Variants in DNAJC27 observed in about 807,000 individuals in gnomAD.
DNAJC27 encodes the protein DnaJ heat shock protein family (Hsp40) member C27.
DNAJC27 carries 25 observed loss-of-function variants against 31.4 expected under a neutral mutation model. The ratio of observed to expected loss-of-function variants is 0.80; its 90% CI spans 0.58 to 1.11. The LOEUF is 1.11. Ranked by LOEUF, DNAJC27 falls within the 50% of genes most tolerant of loss-of-function variation. The probability of loss-of-function intolerance (pLI) is 0.00; values close to 1 mark genes in which losing one functional copy is unlikely to be tolerated. For synonymous variants in DNAJC27, 106 were observed against 112.7 expected (o/e 0.94, Z 0.37); for missense variants, 356 against 347.3 (o/e 1.02, Z -0.20).
At chr2:24,971,557 C>T (rs1016118230) in intron 1 of DNAJC27, 4 of 336,468 alleles carry the variant, frequency 1.2e-5, no homozygotes, top group Non-Finnish European at 2.2e-5. Flanking sequence ...CCTTCTTACT[C>T]TTTTGGGGGT....
At chr2:24,965,149 C>T (rs1327263839) in intron 2 of DNAJC27, among the ~76,000 whole-genome samples, 1 of 151,448 alleles carries the variant, frequency 6.6e-6, no homozygotes, top group African/African-American at 2.4e-5. Flanking sequence ...GAAGTTGCAG[C>T]AAGCTGAGGT....
At position 24,944,680 on chromosome 2, in the gene DNAJC27, A is replaced by G. The variant is rs1317891170; in HGVS notation, c.*2936T>C. On this transcript the variant is annotated 3_prime_UTR_variant, in exon 7 of 7. Transcript: ENST00000264711. ...TTAACAGGCTAAGAAAACTAAGGACACATTGATATAGAGAAATAAAATAAC... is the reference window on the plus strand; with the variant it reads ...TTAACAGGCTAAGAAAACTAAGGACGCATTGATATAGAGAAATAAAATAAC... The G allele has an allele frequency of 6.5e-6, 1 of 152,678 alleles. No individual in the cohort carries two copies. The highest frequency in any genetic ancestry group is 1.9e-4 in the East Asian group (1 of 5,202). The allele number at this position is 152,678 out of a possible 1,614,324, so 9.5% of individuals were successfully genotyped here.
At chr2:24,971,193 G>C (rs999834054) in intron 1 of DNAJC27, among the ~76,000 whole-genome samples, 1 of 152,190 alleles carries the variant, frequency 6.6e-6, no homozygotes, top group Non-Finnish European at 1.5e-5. Context: ...AGAGTTTATA[G>C]CTGATGAACC....
chr2:24,967,954 C>CTTTT (rs35902856), intron 1 of DNAJC27, among the ~76,000 whole-genome samples: 1 of 135,664 alleles, frequency 7.4e-6, no homozygotes, highest in African/African-American at 2.7e-5. Context: ...AGATTAATTC[C>CTTTT]TTTTTTTTTT....
At chr2:24,958,097 G>A in intron 3 of DNAJC27, 123 bp from the exon 4 acceptor site, 3 of 839,316 alleles carry the variant, frequency 3.6e-6, no homozygotes, top group Non-Finnish European at 5.4e-6. Context: ...TATTGTATCT[G>A]TTTCTACTGG....
chr2:24,967,176 T>A (rs1220084967), intron 2 of DNAJC27, 35 bp downstream of exon 2: 3 of 1,541,280 alleles, frequency 1.9e-6, no homozygotes, highest in Admixed American at 1.7e-5. Context: ...TGAACTTCTA[T>A]GTAACTTACA....
At chr2:24,967,768 T>C (rs989416299) in intron 1 of DNAJC27, among the ~76,000 whole-genome samples, 1 of 151,874 alleles carries the variant, frequency 6.6e-6, no homozygotes, top group African/African-American at 2.4e-5. Flanking sequence ...AGAAAAATTA[T>C]TTTTAAATTC....
In DNAJC27 at chr2:24,944,552, T is replaced by C. The variant is rs889090847; in HGVS notation, c.*3064A>G. The stretch of plus-strand genomic sequence containing the variant: ...ATATGAGAACATACTAGAGTAAGTT[T>C]CCTGAGGTAAAAGTATGCCTTAAAG... On this transcript the variant is annotated 3_prime_UTR_variant, in exon 7 of 7. Transcript: ENST00000264711. 1.3e-5 allele frequency: 2 copies of C among 152,734 alleles called. No individual in the cohort carries two copies. The highest frequency in any genetic ancestry group is 4.8e-5 in the African/African-American group (2 of 41,570). The allele number at this position is 152,734 out of a possible 1,614,324, so 9.5% of individuals were successfully genotyped here. A position where few individuals can be genotyped will look rare whatever the true frequency, so the allele number is the denominator to read the frequency against.
chr2:24,944,556 G>A lies in DNAJC27; in HGVS notation c.*3060C>T, dbSNP rs781745626. On this transcript the variant is annotated 3_prime_UTR_variant, in exon 7 of 7. Transcript: ENST00000264711. ...GAGAACATACTAGAGTAAGTTTCCTGAGGTAAAAGTATGCCTTAAAGAATG... is the reference window on the plus strand; with the variant it reads ...GAGAACATACTAGAGTAAGTTTCCTAAGGTAAAAGTATGCCTTAAAGAATG... The A allele has an allele frequency of 6.6e-5, 10 of 152,554 alleles. No individual in the cohort carries two copies. Among genetic ancestry groups the A allele is most frequent in the Non-Finnish European group, 1.3e-4 (9 of 68,018 alleles). The allele number at this position is 152,554 out of a possible 1,614,324, so 9.5% of individuals were successfully genotyped here.
At chr2:24,972,064 T>C (rs978387727), upstream of DNAJC27, 17 of 539,250 alleles carry the variant, frequency 3.2e-5, no homozygotes, top group Middle Eastern at 5.1e-4. Flanking sequence ...GCGCGGGCGG[T>C]TGGGAGCGTG....
At position 24,947,716 on chromosome 2, in the gene DNAJC27, G is replaced by C; in HGVS notation, c.722C>G (p.Ala241Gly). 1 of 1,613,632 alleles carries C rather than the reference G, an allele frequency of 6.2e-7. No individual in the cohort carries two copies. Among genetic ancestry groups the C allele is most frequent in the East Asian group, 2.2e-5 (1 of 44,884 alleles). The change falls in exon 7 of 7, where the codon GCT becomes GGT. Residue 241 changes from alanine (A) to glycine (G), a missense_variant. Ala to Gly is a moderately conservative substitution (Grantham distance 60, BLOSUM62 0). Transcript: ENST00000264711. ...ACATTTGTCAGGGTGAAGAAGCACA[G>C]CAAGTTTCCGATACGCTTTATTGAC... is the stretch of plus-strand genomic sequence containing the variant. ...DEVNKAYRKLAVLLHPDKCVA... is the reference protein window; with the variant it reads ...DEVNKAYRKLGVLLHPDKCVA...
Position 24,967,258 on chromosome 2 carries a change from G to GA in DNAJC27, c.122dup (p.Val42ArgfsTer3). ...CAATTGTTGCCAGGTATTTAGACAC[G>GA]AATCTTTTCTCACAGTATCGCTTTA... On this transcript the variant is annotated frameshift_variant, in exon 2 of 7. Transcript: ENST00000264711. LOFTEE classifies it high-confidence loss of function. 6.2e-7 allele frequency: 1 copy of GA among 1,613,276 alleles called. No individual in the cohort carries two copies. The highest frequency in any genetic ancestry group is 8.5e-7 in the Non-Finnish European group (1 of 1,179,418).
rs974483813 is a variant in DNAJC27 at position 24,946,767 on chromosome 2, C to T, written c.*849G>A. On this transcript the variant is annotated 3_prime_UTR_variant, in exon 7 of 7. Coordinates refer to ENST00000264711, the MANE Select transcript of DNAJC27 (RefSeq NM_016544.3). ...TTAAGCAATCCTCCTGTCTCAGCCT[C>T]CTGAGTAGCTGGGACTACAGGCGGA... 2 of 152,220 alleles carry T rather than the reference C, an allele frequency of 1.3e-5. No homozygotes were observed. The highest frequency in any genetic ancestry group is 2.9e-5 in the Non-Finnish European group (2 of 68,102). 9.4% of individuals were successfully genotyped at this position (152,220 alleles called of 1,614,324 possible).
intron 6 of DNAJC27, 92 bp downstream of exon 6, chr2:24,951,302 C>A (rs1324291867): frequency 1.6e-6 from 2 of 1,273,634 alleles, no homozygotes; most frequent in Non-Finnish European, 2.1e-6. Flanking sequence ...GTATTTCCAG[C>A]CAACTGGAGG....
At chr2:24,955,349 CTA>C in intron 5 of DNAJC27, among the ~76,000 whole-genome samples, 1 of 152,030 alleles carries the variant, frequency 6.6e-6, no homozygotes, top group Non-Finnish European at 1.5e-5. Flanking sequence ...TCAACAGAGA[CTA>C]TGCAATCTGA....
At chr2:24,951,658 AGAAGTCAT>A (rs988621669) in intron 5 of DNAJC27, 104 bp from the exon 6 acceptor site, 17 of 958,742 alleles carry the variant, frequency 1.8e-5, no homozygotes, top group Non-Finnish European at 2.5e-5. Flanking sequence ...AGCAACTCTT[AGAAGTCAT>A]GTATAAAGCA....
At chr2:24,961,849 C>T (rs981894897) in intron 3 of DNAJC27, among the ~76,000 whole-genome samples, 7 of 152,254 alleles carry the variant, frequency 4.6e-5, no homozygotes, top group African/African-American at 1.7e-4. Context: ...AGTGAAGATG[C>T]TATGAACATT....
chr2:24,971,563 G>A, intron 1 of DNAJC27: 1 of 348,540 alleles, frequency 2.9e-6, no homozygotes, highest in Non-Finnish European at 5.3e-6. Context: ...TACTCTTTTG[G>A]GGGTACATTC....
rs2149117604 is a variant in DNAJC27, at chr2:24,944,275, A to G, written c.*3341T>C. ...CAAAGGCAACAAGCACATGGCTTAC[A>G]GCTCCACCTTTCTAACTTTTGGCAA... On this transcript the variant is annotated 3_prime_UTR_variant, in exon 7 of 7. Coordinates refer to ENST00000264711, the MANE Select transcript of DNAJC27 (RefSeq NM_016544.3). 1 of 152,240 alleles carries G rather than the reference A, an allele frequency of 6.6e-6. No homozygotes were observed. Among genetic ancestry groups the G allele is most frequent in the Non-Finnish European group, 1.5e-5 (1 of 68,030 alleles). 9.4% of individuals were successfully genotyped at this position (152,240 alleles called of 1,614,324 possible).
Sources: gnomAD v4.1 joint callset for allele counts (sites outside exome capture counted in the v4.1 genomes callset) on GRCh38, gnomAD v4.1.1 for gene constraint, MANE v1.5 for transcripts, NCBI Gene and HGNC (gene_info 2026-07-23, HGNC 2026-07-21) for gene names.